AP2A1: variants seen among roughly 807,000 people sequenced by gnomAD.
The protein encoded by AP2A1 is adaptor related protein complex 2 subunit alpha 1.
AP2A1 carries 21 observed loss-of-function variants against 107.3 expected under a neutral mutation model. The observed-to-expected ratio is 0.20, with a 90% CI of 0.14 to 0.28. The LOEUF (loss-of-function observed/expected upper bound fraction) is 0.28. Among genes scored for constraint, AP2A1 ranks in the 10% least tolerant of loss-of-function variants. AP2A1 has a pLI of 1.00. For synonymous variants in AP2A1, 602 were observed against 564.8 expected, an observed-to-expected ratio of 1.07 and a Z score of -0.93; for missense variants, 873 against 1,307.7, an observed-to-expected ratio of 0.67 and a Z score of 5.13.
chr19:49,784,596 C>G (rs1482309956), intron 4 of AP2A1, among the ~76,000 whole-genome samples: 1 of 151,906 alleles, frequency 6.6e-6, no homozygotes, highest in Non-Finnish European at 1.5e-5. Flanking sequence ...CAAAAATTGC[C>G]AGGCACAGTA....
At chr19:49,802,630 C>CG (rs774573653) in intron 15 of AP2A1, 40 of 659,704 alleles carry the variant, frequency 6.1e-5, no homozygotes, top group Middle Eastern at 4.9e-4. Context: ...GGAGGTCGGT[C>CG]GGGGGGGCGG....
chr19:49,802,234 C>T (rs1568588026), intron 15 of AP2A1, 93 bp downstream of exon 15: 3 of 1,038,408 alleles, frequency 2.9e-6, no homozygotes, highest in South Asian at 2.7e-5. Flanking sequence ...GCCCCTCCCC[C>T]GCCCCCGACT....
At chr19:49,799,209 C>T (rs1046365405) in intron 8 of AP2A1, 118 bp from the exon 9 acceptor site, 58 of 1,296,568 alleles carry the variant, frequency 4.5e-5, no homozygotes, top group African/African-American at 3.0e-4. Flanking sequence ...GATGCAAGGC[C>T]GGCAAGGTTA....
chr19:49,781,067 G>A (rs1259304811), intron 1 of AP2A1, among the ~76,000 whole-genome samples: 2 of 152,084 alleles, frequency 1.3e-5, no homozygotes, highest in Admixed American at 6.6e-5. Flanking sequence ...GTGCTGTAGG[G>A]CATTGAGGAG....
intron 15 of AP2A1, chr19:49,802,630 C>CGGTG: frequency 1.5e-6 from 1 of 659,826 alleles, no homozygotes; most frequent in Non-Finnish European, 2.4e-6. Flanking sequence ...GGAGGTCGGT[C>CGGTG]GGGGGGGCGG....
At chr19:49,798,746 C>G in intron 7 of AP2A1, 56 bp from the exon 8 acceptor site, 1 of 1,566,616 alleles carries the variant, frequency 6.4e-7, no homozygotes, top group Non-Finnish European at 8.6e-7. Flanking sequence ...ACCACCCCAG[C>G]AGGTGTGCCA....
intron 1 of AP2A1, among the ~76,000 whole-genome samples, chr19:49,772,262 T>G (rs1428666858): frequency 7.6e-5 from 10 of 131,574 alleles, no homozygotes; most frequent in East Asian, 2.2e-4. Context: ...TTTTTTTTTT[T>G]TTTTTTTTTT....
At position 49,795,690 on chromosome 19, in the gene AP2A1, T is replaced by C; in HGVS notation, c.766T>C (p.Trp256Arg). The change falls in exon 7 of 23, where the codon TGG (tryptophan) becomes CGG (arginine). Residue 256 changes from tryptophan (W) to arginine (R), a missense_variant. Physicochemically the swap from Trp to Arg is moderately radical, Grantham distance 101. Coordinates refer to ENST00000354293, the MANE Select transcript of AP2A1 (RefSeq NM_130787.3). ...CACCTACTACTTCGTCCCAGCACCCTGGCTCTCGGTGAAGCTCCTGCGGCT... is the reference window on the plus strand; with the variant it reads ...CACCTACTACTTCGTCCCAGCACCCCGGCTCTCGGTGAAGCTCCTGCGGCT... ...DYTYYFVPAP[W>R]LSVKLLRLLQ... The C allele has an allele frequency of 6.5e-7, 1 of 1,536,324 alleles. No individual in the cohort carries two copies. The highest frequency in any genetic ancestry group is 8.8e-7 in the Non-Finnish European group (1 of 1,138,048).
intron 20 of AP2A1, 37 bp downstream of exon 20, chr19:49,805,814 C>A: frequency 8.5e-7 from 1 of 1,174,144 alleles, no homozygotes; most frequent in Non-Finnish European, 1.2e-6. Flanking sequence ...AAAGCCGCGC[C>A]TCTGGGTGGG....
At chr19:49,781,416 A>G (rs1485815538) in intron 1 of AP2A1, among the ~76,000 whole-genome samples, 1 of 151,964 alleles carries the variant, frequency 6.6e-6, no homozygotes, top group Admixed American at 6.6e-5. Flanking sequence ...CATTCATCAC[A>G]TGTTCATCGC....
chr19:49,795,621 C>G lies in AP2A1; in HGVS notation c.706-9C>G, dbSNP rs749606242. ...AGCCCCCAACTTATTTCTTGCTCTT[C>G]CCCGCCAGATCGTCTCCTCTGCCTC... On this transcript the variant is annotated splice_polypyrimidine_tract_variant and intron_variant, in intron 6 of 22. Coordinates refer to ENST00000354293, the MANE Select transcript of AP2A1 (RefSeq NM_130787.3). 1.3e-6 allele frequency: 1 copy of G among 759,772 alleles called. No individual in the cohort carries two copies. The highest frequency in any genetic ancestry group is 1.9e-6 in the Non-Finnish European group (1 of 516,824). 47.1% of individuals were successfully genotyped at this position (759,772 alleles called of 1,614,324 possible).
intron 1 of AP2A1, among the ~76,000 whole-genome samples, chr19:49,777,538 G>A (rs2084628919): frequency 6.6e-6 from 1 of 151,790 alleles, no homozygotes; most frequent in South Asian, 2.1e-4. Flanking sequence ...GGGAGGCTGA[G>A]GCAGGAGAAT....
intron 1 of AP2A1, among the ~76,000 whole-genome samples, chr19:49,768,204 G>C (rs2084522976): frequency 6.6e-6 from 1 of 152,104 alleles, no homozygotes; most frequent in East Asian, 1.9e-4. Flanking sequence ...TATGGGGACG[G>C]TGGTCCCTGC....
chr19:49,789,775 C>G (rs1294160039), intron 4 of AP2A1, among the ~76,000 whole-genome samples: 20 of 152,144 alleles, frequency 1.3e-4, no homozygotes, highest in Admixed American at 2.6e-4. Context: ...CAAGGCTCCT[C>G]ATTTTCCTGA....
chr19:49,769,177 G>A (rs369650350), intron 1 of AP2A1, among the ~76,000 whole-genome samples: 133 of 152,166 alleles, frequency 8.7e-4, no homozygotes, highest in Non-Finnish European at 1.5e-3. Context: ...TTGAACCCGG[G>A]AGGCAGAGGT....
In AP2A1 at chr19:49,767,051, T is replaced by A; in HGVS notation, c.-83T>A. On this transcript the variant is annotated 5_prime_UTR_variant, in exon 1 of 23. Coordinates refer to ENST00000354293, the MANE Select transcript of AP2A1 (RefSeq NM_130787.3). The stretch of plus-strand genomic sequence containing the variant: ...CTCGGCTCCTTGGCGCTGCCTGGGG[T>A]CCTTTCCGCCCGGTCCCCGCTTGCC... 7.1e-7 allele frequency: 1 copy of A among 1,415,876 alleles called. No homozygotes were observed. Among genetic ancestry groups the A allele is most frequent in the Non-Finnish European group, 9.4e-7 (1 of 1,065,430 alleles). The allele number at this position is 1,415,876 out of a possible 1,614,324, so 87.7% of individuals were successfully genotyped here.
chr19:49,772,747 G>A (rs913983329), intron 1 of AP2A1, among the ~76,000 whole-genome samples: 2 of 150,458 alleles, frequency 1.3e-5, no homozygotes, highest in Non-Finnish European at 3.0e-5. Context: ...TGATCCGCCC[G>A]TCTCGGCCTC....
intron 22 of AP2A1, 188 bp from the exon 23 acceptor site, chr19:49,806,492 CT>C: frequency 6.9e-7 from 1 of 1,443,854 alleles, no homozygotes. Flanking sequence ...TCCTTTCCAC[CT>C]TTCTCTCATC....
intron 22 of AP2A1, 153 bp from the exon 23 acceptor site, chr19:49,806,528 C>T (rs1600252927): frequency 4.8e-6 from 7 of 1,457,200 alleles, no homozygotes; most frequent in East Asian, 2.5e-5. Context: ...TCCTCTCTGG[C>T]GCCTCTGTTG....
Sources: gnomAD v4.1 joint callset for allele counts (sites outside exome capture counted in the v4.1 genomes callset) on GRCh38, gnomAD v4.1.1 for gene constraint, MANE v1.5 for transcripts, NCBI Gene and HGNC (gene_info 2026-07-23, HGNC 2026-07-21) for gene names.